Variants in RGL1 observed in about 807,000 individuals in gnomAD.
RGL1 encodes ral guanine nucleotide dissociation stimulator-like 1.
Under a neutral mutation model 95.2 loss-of-function variants are expected in RGL1, and 24 were observed. The ratio of observed to expected loss-of-function variants is 0.25; its 90% CI spans 0.18 to 0.35. The LOEUF (loss-of-function observed/expected upper bound fraction) is 0.35, where lower values mean the gene tolerates loss of function less well. Among genes scored for constraint, RGL1 ranks in the 10% least tolerant of loss-of-function variants. The probability of loss-of-function intolerance (pLI) is 1.00; values close to 1 mark genes in which losing one functional copy is unlikely to be tolerated. For missense variants in RGL1, 715 were observed against 936.3 expected, an observed-to-expected ratio of 0.76 and a Z score of 3.08; for synonymous variants, 329 against 344.9, an observed-to-expected ratio of 0.95 and a Z score of 0.51.
At chr1:183,821,197 A>C (rs867573310) in intron 2 of RGL1, among the ~76,000 whole-genome samples, 14 of 152,184 alleles carry the variant, frequency 9.2e-5, no homozygotes, top group Middle Eastern at 3.2e-3. Flanking sequence ...TAATTTGGCA[A>C]CTAAAAAATT....
chr1:183,704,432 G>T (rs565682448), intron 1 of RGL1, among the ~76,000 whole-genome samples: 3 of 152,220 alleles, frequency 2.0e-5, no homozygotes, highest in African/African-American at 7.2e-5. Context: ...TTTGGGAGGT[G>T]GTTCTTAGAG....
intron 4 of RGL1, among the ~76,000 whole-genome samples, chr1:183,878,153 TA>T (rs1312079061): frequency 8.4e-6 from 1 of 118,542 alleles, no homozygotes; most frequent in Non-Finnish European, 1.9e-5. Flanking sequence ...ATTTTCTTTC[TA>T]TCTATCTATC....
intron 1 of RGL1, among the ~76,000 whole-genome samples, chr1:183,685,428 G>A (rs141949975): frequency 6.6e-6 from 1 of 152,158 alleles, no homozygotes. Context: ...TAAGACTTTG[G>A]GTTTATATAA....
At chr1:183,859,999 C>G (rs940014125) in intron 3 of RGL1, among the ~76,000 whole-genome samples, 1 of 152,210 alleles carries the variant, frequency 6.6e-6, no homozygotes, top group East Asian at 1.9e-4. Flanking sequence ...CACCAGACAT[C>G]TGCAGGCTAT....
chr1:183,925,829 T>C (rs542171666), intron 17 of RGL1, among the ~76,000 whole-genome samples: 119 of 152,334 alleles, frequency 7.8e-4, no homozygotes, highest in African/African-American at 2.7e-3. Context: ...TGTTTCCTAC[T>C]GTACTTTTTT....
chr1:183,733,130 T>G (rs932125009), intron 1 of RGL1, among the ~76,000 whole-genome samples: 1 of 152,166 alleles, frequency 6.6e-6, no homozygotes, highest in Non-Finnish European at 1.5e-5. Context: ...AAACAAATTT[T>G]TTTTTAATGT....
chr1:183,912,547 T>C (rs965414144), intron 15 of RGL1, among the ~76,000 whole-genome samples: 2 of 152,252 alleles, frequency 1.3e-5, no homozygotes, highest in African/African-American at 4.8e-5. Context: ...GTAGGACTTC[T>C]TAGAAAGAGC....
chr1:183,859,081 A>G (rs1199089895), intron 3 of RGL1, among the ~76,000 whole-genome samples: 1 of 152,010 alleles, frequency 6.6e-6, no homozygotes, highest in Non-Finnish European at 1.5e-5. Flanking sequence ...CCTCCTTCCT[A>G]CCCCCATCTA....
intron 2 of RGL1, among the ~76,000 whole-genome samples, chr1:183,750,403 G>A (rs1657917787): frequency 6.6e-6 from 1 of 152,080 alleles, no homozygotes; most frequent in Non-Finnish European, 1.5e-5. Context: ...GTGTTTTTCA[G>A]CTCTATCAGG....
chr1:183,892,303 T>C (rs185487600), intron 9 of RGL1, 142 bp downstream of exon 9: 35 of 589,038 alleles, frequency 5.9e-5, no homozygotes, highest in Admixed American at 5.1e-4. Context: ...TTTTTTTAAA[T>C]GCAGAATCTA....
intron 1 of RGL1, among the ~76,000 whole-genome samples, chr1:183,722,380 A>C (rs570797907): frequency 2.6e-5 from 4 of 152,230 alleles, no homozygotes; most frequent in African/African-American, 9.6e-5. Context: ...GGGAGGCTTC[A>C]GAAGAGAAGA....
intron 2 of RGL1, among the ~76,000 whole-genome samples, chr1:183,766,555 G>A (rs994407177): frequency 1.3e-5 from 2 of 152,072 alleles, no homozygotes; most frequent in Non-Finnish European, 2.9e-5. Context: ...TGACTAAATT[G>A]AATTACCTTG....
chr1:183,779,620 G>A (rs564183628), intron 2 of RGL1, among the ~76,000 whole-genome samples: 4 of 152,194 alleles, frequency 2.6e-5, no homozygotes, highest in South Asian at 4.1e-4. Context: ...GATGACTCTC[G>A]ATGCTAATTC....
chr1:183,867,871 C>T (rs1315641618), intron 4 of RGL1, among the ~76,000 whole-genome samples: 1 of 152,164 alleles, frequency 6.6e-6, no homozygotes, highest in African/African-American at 2.4e-5. Flanking sequence ...AGACTCCTTT[C>T]TTCAGGAGCT....
At chr1:183,814,665 G>A (rs1350100501) in intron 2 of RGL1, among the ~76,000 whole-genome samples, 3 of 152,244 alleles carry the variant, frequency 2.0e-5, no homozygotes, top group Non-Finnish European at 4.4e-5. Context: ...AGCCAAGGCT[G>A]AGTATTTCCA....
At chr1:183,708,877 C>G (rs1655084664) in intron 1 of RGL1, among the ~76,000 whole-genome samples, 1 of 152,212 alleles carries the variant, frequency 6.6e-6, no homozygotes, top group African/African-American at 2.4e-5. Context: ...GGGACGCGGA[C>G]CGGGGCCCCT....
intron 4 of RGL1, 29 bp downstream of exon 4, chr1:183,866,102 G>A (rs1665818418): frequency 6.5e-7 from 1 of 1,531,286 alleles, no homozygotes; most frequent in African/African-American, 1.4e-5. Flanking sequence ...TGCATTCTAA[G>A]CTCTCAGTCA....
chr1:183,665,318 T>C (rs972704363), intron 1 of RGL1, among the ~76,000 whole-genome samples: 12 of 152,154 alleles, frequency 7.9e-5, no homozygotes, highest in Non-Finnish European at 1.8e-4. Flanking sequence ...AATTTTCACA[T>C]CTATGTTCAT....
chr1:183,755,501 A>G, intron 2 of RGL1, among the ~76,000 whole-genome samples: 1 of 152,264 alleles, frequency 6.6e-6, no homozygotes, highest in Admixed American at 6.5e-5. Flanking sequence ...ATATCTTTAT[A>G]TAATTTCAGT....
Sources: gnomAD v4.1 joint callset for allele counts (sites outside exome capture counted in the v4.1 genomes callset) on GRCh38, gnomAD v4.1.1 for gene constraint, MANE v1.5 for transcripts, NCBI Gene and HGNC (gene_info 2026-07-23, HGNC 2026-07-21) for gene names.